The following SGCZ variants were observed in gnomAD, a reference collection of about 807,000 sequenced individuals.
The protein encoded by SGCZ is zeta-sarcoglycan.
A neutral mutation model predicts 41.3 loss-of-function variants in SGCZ; 40 were observed. The ratio of observed to expected loss-of-function variants is 0.97; its 90% CI spans 0.75 to 1.26. SGCZ has a LOEUF of 1.26. Among genes scored for constraint, SGCZ ranks in the 50% most tolerant of loss-of-function variants. The probability of loss-of-function intolerance (pLI) is 0.00; values close to 1 mark genes in which losing one functional copy is unlikely to be tolerated. For missense variants in SGCZ, 552 were observed against 369.8 expected (o/e 1.49, Z -4.04); for synonymous variants, 206 against 137.5 (o/e 1.50, Z -3.49).
chr8:14,253,260 G>GTA (rs1799349613), intron 3 of SGCZ, among the ~76,000 whole-genome samples: 1 of 151,794 alleles, frequency 6.6e-6, no homozygotes, highest in African/African-American at 2.4e-5. Context: ...GTGTGTGTGT[G>GTA]TGTGTGTGTG....
At chr8:14,979,597 G>C (rs769426872) in intron 1 of SGCZ, among the ~76,000 whole-genome samples, 7 of 152,102 alleles carry the variant, frequency 4.6e-5, no homozygotes, top group Admixed American at 3.9e-4. Flanking sequence ...AGCAACCTTG[G>C]CCATAAACTG....
chr8:14,451,960 C>T (rs1323932305), intron 2 of SGCZ, among the ~76,000 whole-genome samples: 3 of 152,142 alleles, frequency 2.0e-5, no homozygotes, highest in African/African-American at 7.2e-5. Flanking sequence ...GTTTACGATC[C>T]AGCAATCATA....
chr8:14,667,770 G>A (rs189415528), intron 1 of SGCZ, among the ~76,000 whole-genome samples: 51 of 152,154 alleles, frequency 3.4e-4, no homozygotes, highest in African/African-American at 1.2e-3. Flanking sequence ...CATGGTCTCC[G>A]TAATCAAAGG....
intron 1 of SGCZ, among the ~76,000 whole-genome samples, chr8:15,055,004 A>G (rs905604532): frequency 6.6e-6 from 1 of 151,520 alleles, no homozygotes; most frequent in African/African-American, 2.4e-5. Context: ...AATGGCTGCC[A>G]TCCCAGTTTG....
At chr8:14,353,061 A>G (rs554369718) in intron 2 of SGCZ, among the ~76,000 whole-genome samples, 149 of 152,016 alleles carry the variant, frequency 9.8e-4, no homozygotes, top group South Asian at 6.8e-3. Flanking sequence ...GAAGAGAATT[A>G]TGTTGCACGT....
intron 1 of SGCZ, among the ~76,000 whole-genome samples, chr8:14,851,749 G>A (rs953503892): frequency 6.6e-6 from 1 of 151,848 alleles, no homozygotes; most frequent in Non-Finnish European, 1.5e-5. Context: ...TATTATCATA[G>A]TCTAATGCTG....
At position 14,255,581 on chromosome 8, in the gene SGCZ, T is replaced by C. The variant is rs528122886; in HGVS notation, c.337-17902A>G. The stretch of plus-strand genomic sequence containing the variant: ...GCTAAAAAGACAAAGTATAAATTTA[T>C]TAAAGATAATTACAATTAAAAATTT... On this transcript the variant is annotated intron_variant, in intron 3 of 7. Coordinates refer to ENST00000382080, the MANE Select transcript of SGCZ (RefSeq NM_139167.4). 1.4e-4 allele frequency among the ~76,000 whole-genome samples: 21 copies of C among 152,124 alleles called. No homozygotes were observed. In the South Asian group the frequency reaches 3.7e-3, roughly 27 times the overall value.
intron 2 of SGCZ, among the ~76,000 whole-genome samples, chr8:14,352,022 G>A (rs936115380): frequency 9.2e-5 from 14 of 152,002 alleles, no homozygotes; most frequent in African/African-American, 2.4e-4. Context: ...TACATAGCAC[G>A]GTACCTTATT....
intron 3 of SGCZ, among the ~76,000 whole-genome samples, chr8:14,284,025 T>A (rs1421957897): frequency 6.6e-6 from 1 of 152,250 alleles, no homozygotes; most frequent in Non-Finnish European, 1.5e-5. Flanking sequence ...GATTTCTTAA[T>A]CTTTCTTGTG....
intron 1 of SGCZ, among the ~76,000 whole-genome samples, chr8:15,168,939 G>A (rs1172325854): frequency 6.6e-6 from 1 of 152,178 alleles, no homozygotes; most frequent in African/African-American, 2.4e-5. Context: ...TGTCATTCAG[G>A]CTTTTAGCCT....
At chr8:14,670,289 G>C (rs1343201675) in intron 1 of SGCZ, among the ~76,000 whole-genome samples, 1 of 143,462 alleles carries the variant, frequency 7.0e-6, no homozygotes. Flanking sequence ...ACATTAATTT[G>C]TAGCATAAAC....
chr8:14,334,011 T>A (rs1046123278), intron 2 of SGCZ, among the ~76,000 whole-genome samples: 2 of 152,096 alleles, frequency 1.3e-5, no homozygotes, highest in Admixed American at 6.6e-5. Flanking sequence ...TCACTTCCTA[T>A]TTTCAGTAAA....
chr8:14,655,875 T>A (rs2117468281), intron 1 of SGCZ, among the ~76,000 whole-genome samples: 1 of 152,222 alleles, frequency 6.6e-6, no homozygotes, highest in East Asian at 1.9e-4. Flanking sequence ...TGCAACCTTT[T>A]GTGGTTGCCT....
At chr8:14,367,129 T>A (rs1803737273) in intron 2 of SGCZ, among the ~76,000 whole-genome samples, 1 of 152,130 alleles carries the variant, frequency 6.6e-6, no homozygotes, top group Non-Finnish European at 1.5e-5. Flanking sequence ...ATCTTTCTCA[T>A]GTTCGAAGTT....
rs1013811264 is a variant in SGCZ, at chr8:14,425,349, G to A, written c.235-101145C>T. Among the ~76,000 whole-genome samples, 15 of 152,146 alleles carry A rather than the reference G, an allele frequency of 9.9e-5. No individual in the cohort carries two copies. The East Asian group carries it at 1.9e-3, about 20-fold the overall frequency. ...CAAAAAGTACATCTTGGATGGTCGT[G>A]ATGGCTCACACCTGTAATCCTAGCA... On this transcript the variant is annotated intron_variant, in intron 2 of 7. Coordinates refer to ENST00000382080, the MANE Select transcript of SGCZ (RefSeq NM_139167.4).
At chr8:14,471,289 A>T (rs1305632773) in intron 2 of SGCZ, among the ~76,000 whole-genome samples, 1 of 152,168 alleles carries the variant, frequency 6.6e-6, no homozygotes, top group Non-Finnish European at 1.5e-5. Flanking sequence ...CATAATAGTG[A>T]ATAATTTGCA....
At chr8:14,638,905 G>C (rs1223982970) in intron 1 of SGCZ, among the ~76,000 whole-genome samples, 2 of 151,720 alleles carry the variant, frequency 1.3e-5, no homozygotes. Flanking sequence ...TGCTGGTTCA[G>C]TAAAAGAATG....
intron 1 of SGCZ, among the ~76,000 whole-genome samples, chr8:14,859,942 A>G (rs900568549): frequency 2.0e-5 from 3 of 152,200 alleles, no homozygotes; most frequent in South Asian, 2.1e-4. Flanking sequence ...AAATTGACTC[A>G]GATGTCTTGA....
chr8:14,640,019 C>A (rs73521683), intron 1 of SGCZ, among the ~76,000 whole-genome samples: 10,572 of 151,600 alleles, frequency 0.07, 1,022 homozygotes, highest in African/African-American at 0.22. Context: ...ATAAACTATA[C>A]GTATTTATGC....
Sources: allele counts gnomAD v4.1 joint callset (sites outside exome capture counted in the v4.1 genomes callset), GRCh38; gene constraint gnomAD v4.1.1; transcripts MANE v1.5; gene names NCBI Gene and HGNC (gene_info 2026-07-23, HGNC 2026-07-21).